The following MAPK6 variants were observed in gnomAD, a reference collection of about 807,000 sequenced individuals.
The protein encoded by MAPK6 is ERK-3.
Under a neutral mutation model 59.3 loss-of-function variants are expected in MAPK6, and 19 were observed. That is an observed-to-expected ratio of 0.32 (90% CI 0.22 to 0.47). The LOEUF is 0.47. MAPK6 is among the 20% of genes least tolerant of loss of function. The pLI, the probability that MAPK6 is intolerant of heterozygous loss-of-function variation, is 1.00. For synonymous variants in MAPK6, 316 were observed against 290.3 expected, an observed-to-expected ratio of 1.09 and a Z score of -0.90; for missense variants, 724 against 847.9, an observed-to-expected ratio of 0.85 and a Z score of 1.81.
chr15:52,056,967 C>T (rs2141114613), intron 3 of MAPK6: 1 of 152,290 alleles, frequency 6.6e-6, no homozygotes, highest in African/African-American at 2.4e-5. Context: ...CAGAACTGGG[C>T]CCCTGATATT....
chr15:52,022,153 G>T (rs1350752512), intron 1 of MAPK6, among the ~76,000 whole-genome samples: 4 of 152,080 alleles, frequency 2.6e-5, no homozygotes, highest in African/African-American at 9.7e-5. Flanking sequence ...ACGAGACCCT[G>T]TCTCAATTTT....
intron 1 of MAPK6, among the ~76,000 whole-genome samples, chr15:52,039,018 A>G (rs1265558905): frequency 6.6e-6 from 1 of 152,160 alleles, no homozygotes; most frequent in African/African-American, 2.4e-5. Flanking sequence ...GGTTACAGTA[A>G]ATCTGTAACT....
chr15:52,041,889 CTTTG>C (rs951064207), intron 1 of MAPK6, among the ~76,000 whole-genome samples: 16 of 152,296 alleles, frequency 1.1e-4, no homozygotes, highest in African/African-American at 3.9e-4. Flanking sequence ...TTCTTCATTT[CTTTG>C]TTTACTTTTC....
intron 1 of MAPK6, among the ~76,000 whole-genome samples, chr15:51,981,101 A>G (rs1180449603): frequency 6.6e-6 from 1 of 151,884 alleles, no homozygotes; most frequent in African/African-American, 2.4e-5. Flanking sequence ...ACTAGTATAT[A>G]AATTACTCCC....
intron 4 of MAPK6, among the ~76,000 whole-genome samples, chr15:52,059,462 T>A (rs1215933121): frequency 1.3e-5 from 2 of 152,156 alleles, no homozygotes; most frequent in Non-Finnish European, 2.9e-5. Context: ...CTAGTAATTC[T>A]GAATTGGGAG....
chr15:52,015,924 G>A (rs1392019513), upstream of MAPK6, among the ~76,000 whole-genome samples: 1 of 3,818 alleles, frequency 2.6e-4, no homozygotes, highest in East Asian at 0.25. Context: ...TGGGCGTGGT[G>A]GCGCGCCCTG....
chr15:51,988,102 A>T (rs1245060511), intron 2 of MAPK6, among the ~76,000 whole-genome samples: 2 of 152,146 alleles, frequency 1.3e-5, no homozygotes, highest in South Asian at 2.1e-4. Context: ...ATGTGTAAGG[A>T]TGAAGTTTAT....
chr15:52,030,772 G>A (rs1303101711), intron 1 of MAPK6, among the ~76,000 whole-genome samples: 4 of 150,564 alleles, frequency 2.7e-5, no homozygotes, highest in Admixed American at 6.6e-5. Flanking sequence ...GACTACAGGC[G>A]TGTGCCACCA....
In MAPK6 at chr15:52,064,685, A is replaced by C. The variant is rs781388541; in HGVS notation, c.1851A>C (p.Glu617Asp). The C allele has an allele frequency of 3.1e-6, 5 of 1,611,920 alleles. No homozygotes were observed. Among genetic ancestry groups the C allele is most frequent in the Non-Finnish European group, 2.5e-6 (3 of 1,179,810 alleles). ...INQFCEVRKD[E>D]QVEKENTYTS... is the part of the protein sequence containing the mutation. ...AGTTTTGTGAGGTAAGGAAGGATGA[A>C]CAAGTTGAGAAGGAAAACACTTACA... Residue 617 changes from glutamate to aspartate, a missense_variant, in exon 6 of 6, where the codon GAA (glutamate) becomes GAC (aspartate). By Grantham distance (45) the Glu-to-Asp change is conservative. Coordinates refer to ENST00000261845, the MANE Select transcript of MAPK6 (RefSeq NM_002748.4).
rs544046032 is a variant in MAPK6, at chr15:51,986,289, G to A, written c.-770+2974G>A. On this transcript the variant is annotated intron_variant, in intron 2 of 7. Transcript: ENST00000691380. ...CCTATCAGGTCCCCGCCAACATTGG[G>A]GATTACAATTCAACATGAGATTTGG... Among the ~76,000 whole-genome samples, 180 of 152,126 alleles carry A rather than the reference G, an allele frequency of 1.2e-3. 1 individual carries two copies. The highest frequency in any genetic ancestry group is 3.4e-3 in the Middle Eastern group (1 of 292).
At chr15:51,987,958 G>C (rs145408204) in intron 2 of MAPK6, among the ~76,000 whole-genome samples, 1 of 152,042 alleles carries the variant, frequency 6.6e-6, no homozygotes, top group Non-Finnish European at 1.5e-5. Flanking sequence ...TAGAGACAGA[G>C]TTTCCTCATG....
rs59641315 is a variant in MAPK6, at chr15:52,062,067, A to ATTT, written c.1067+583_1067+585dup. Among the ~76,000 whole-genome samples the ATTT allele has an allele frequency of 1.2e-4, 16 of 137,508 alleles. No homozygotes were observed. The East Asian group carries it at 1.3e-3, about 11-fold the overall frequency. 90.2% of individuals were successfully genotyped at this position (137,508 alleles called of 152,430 possible). On this transcript the variant is annotated intron_variant, in intron 5 of 5. Transcript: ENST00000261845. ...GTATTTGATTCATATTAGATGCAGG[A>ATTT]TTTTTTTTTTTTTTTTTTGAGATGG...
chr15:52,050,065 A>G lies in MAPK6; in HGVS notation c.628A>G (p.Thr210Ala). 6.2e-7 allele frequency: 1 copy of G among 1,613,164 alleles called. No homozygotes were observed. Among genetic ancestry groups the G allele is most frequent in the Non-Finnish European group, 8.5e-7 (1 of 1,179,568 alleles). The change falls in exon 3 of 6, where the codon ACT (threonine) becomes GCT (alanine). Residue 210 changes from threonine to alanine, a missense_variant. Around this residue, in one of 4 missense-constraint regions of MAPK6, gnomAD observed 105 missense variants for 191.9 expected, o/e 0.55. Coordinates refer to ENST00000261845, the MANE Select transcript of MAPK6 (RefSeq NM_002748.4). ...PRLLLSPNNY[T>A]KAIDMWAAGC... ...TCTTTTACTTTCTCCTAATAATTAT[A>G]CTAAAGCCATTGACATGTGGGCTGC...
At chr15:51,971,860 T>C in exon 1 of MAPK6, 2 of 1,122,688 alleles carry the variant, frequency 1.8e-6, no homozygotes, top group Admixed American at 1.8e-5. Flanking sequence ...ACTCCTTTCC[T>C]TACGTGACCT....
upstream of MAPK6, among the ~76,000 whole-genome samples, chr15:52,016,071 C>CAA (rs1566899878): frequency 1.6e-4 from 2 of 12,754 alleles, no homozygotes; most frequent in African/African-American, 3.6e-4. Flanking sequence ...CGCGCGCGCG[C>CAA]ACACACACAC....
chr15:52,062,835 T>C (rs1157824831), intron 5 of MAPK6, among the ~76,000 whole-genome samples: 4 of 148,330 alleles, frequency 2.7e-5, no homozygotes, highest in Non-Finnish European at 5.9e-5. Context: ...TGGTAGCTTA[T>C]AGAGTCATCA....
rs186317406 is a variant in MAPK6 at position 52,013,151 on chromosome 15, T to C, written c.-632+8749T>C. ...CATGCACTCTTTGAATCAACCTTTC[T>C]CTGCTATAATCTAAACCCACATCAC... On this transcript the variant is annotated intron_variant, in intron 3 of 7. Transcript: ENST00000691380. Among the ~76,000 whole-genome samples the C allele has an allele frequency of 3.9e-3, 580 of 149,026 alleles. 3 individuals are homozygous for C. The highest frequency in any genetic ancestry group is 0.014 in the African/African-American group (555 of 40,528).
rs972864358 is a variant in MAPK6, at chr15:52,058,836, T to C, written c.865+39T>C. The C allele has an allele frequency of 6.5e-6, 10 of 1,537,322 alleles. No homozygotes were observed. The East Asian group carries it at 1.6e-4, about 25-fold the overall frequency. The stretch of plus-strand genomic sequence containing the variant: ...AGAGTAACCCTCACGTTAATGCCTG[T>C]GTGTGAGGCAGAATCTGTGTAGGGA... On this transcript the variant is annotated intron_variant, in intron 4 of 5. Coordinates refer to ENST00000261845, the MANE Select transcript of MAPK6 (RefSeq NM_002748.4).
intron 1 of MAPK6, among the ~76,000 whole-genome samples, chr15:52,025,580 A>T (rs912507421): frequency 1.3e-5 from 2 of 152,180 alleles, no homozygotes; most frequent in Non-Finnish European, 2.9e-5. Context: ...AGGCGGGCGG[A>T]TCACGAGGTC....
Sources: allele counts gnomAD v4.1 joint callset (sites outside exome capture counted in the v4.1 genomes callset), GRCh38; gene constraint gnomAD v4.1.1; regional missense constraint gnomAD v4.1.1; transcripts MANE v1.5; gene names NCBI Gene and HGNC (gene_info 2026-07-23, HGNC 2026-07-21).